Variants in ANKS1B observed in about 807,000 individuals in gnomAD.
ANKS1B encodes the protein ankyrin repeat and sterile alpha motif domain containing 1B.
Under a neutral mutation model 148.3 loss-of-function variants are expected in ANKS1B, and 36 were observed. The ratio of observed to expected loss-of-function variants is 0.24; its 90% CI spans 0.19 to 0.32. The LOEUF (loss-of-function observed/expected upper bound fraction) is 0.32, where lower values mean the gene tolerates loss of function less well. Ranked by LOEUF, ANKS1B falls within the 10% of genes least tolerant of loss-of-function variation. The pLI is 1.00. For missense variants in ANKS1B, 1,157 were observed against 1,542.6 expected, an observed-to-expected ratio of 0.75 and a Z score of 4.19; for synonymous variants, 542 against 560.8, an observed-to-expected ratio of 0.97 and a Z score of 0.47.
At chr12:98,794,460 C>T (rs1303333927) in intron 22 of ANKS1B, 3 of 265,118 alleles carry the variant, frequency 1.1e-5, no homozygotes, top group Non-Finnish European at 2.2e-5. Flanking sequence ...GGCGTTTGGT[C>T]GATGGGGACC....
At chr12:99,452,522 T>C (rs2095761230) in intron 10 of ANKS1B, among the ~76,000 whole-genome samples, 2 of 152,118 alleles carry the variant, frequency 1.3e-5, no homozygotes, top group African/African-American at 4.8e-5. Flanking sequence ...AATAGATAAA[T>C]AAATAAGACC....
At chr12:99,340,292 T>C (rs1318841851) in intron 12 of ANKS1B, among the ~76,000 whole-genome samples, 1 of 152,112 alleles carries the variant, frequency 6.6e-6, no homozygotes, top group African/African-American at 2.4e-5. Flanking sequence ...GCTGATCAGC[T>C]GTGATAAAGC....
At chr12:99,944,497 T>C (rs1291584771) in intron 1 of ANKS1B, among the ~76,000 whole-genome samples, 1 of 152,172 alleles carries the variant, frequency 6.6e-6, no homozygotes, top group Non-Finnish European at 1.5e-5. Flanking sequence ...AATGTGATGT[T>C]GTTCTTACTG....
intron 1 of ANKS1B, among the ~76,000 whole-genome samples, chr12:99,825,835 A>G (rs2083112978): frequency 6.6e-6 from 1 of 152,194 alleles, no homozygotes; most frequent in Non-Finnish European, 1.5e-5. Context: ...TTGTGGGAAG[A>G]ATATAAAGTC....
intron 8 of ANKS1B, among the ~76,000 whole-genome samples, chr12:99,699,510 T>A (rs950264465): frequency 6.6e-6 from 1 of 152,126 alleles, no homozygotes; most frequent in Non-Finnish European, 1.5e-5. Context: ...TAATAATGCA[T>A]TATGCACAGT....
At chr12:99,265,402 C>T (rs1045570763) in intron 12 of ANKS1B, among the ~76,000 whole-genome samples, 17 of 152,144 alleles carry the variant, frequency 1.1e-4, no homozygotes, top group African/African-American at 4.1e-4. Context: ...AAACTCTCCA[C>T]TTGATTCTTA....
intron 12 of ANKS1B, among the ~76,000 whole-genome samples, chr12:99,277,664 C>T (rs2077854763): frequency 6.6e-6 from 1 of 152,094 alleles, no homozygotes; most frequent in Non-Finnish European, 1.5e-5. Context: ...GTTTGGGAAG[C>T]AAAACTGAAC....
chr12:98,828,607 A>G (rs888744725), intron 19 of ANKS1B, among the ~76,000 whole-genome samples: 3 of 152,256 alleles, frequency 2.0e-5, no homozygotes, highest in African/African-American at 7.2e-5. Flanking sequence ...CAGGCTAGAC[A>G]TGAACATCCC....
intron 14 of ANKS1B, among the ~76,000 whole-genome samples, chr12:99,207,364 T>C (rs1566631931): frequency 6.1e-5 from 3 of 48,860 alleles, no homozygotes; most frequent in African/African-American, 3.1e-4. Context: ...CTTAAAGTCA[T>C]GTTAAATTAA....
intron 12 of ANKS1B, among the ~76,000 whole-genome samples, chr12:99,314,377 A>G (rs140113705): frequency 2.4e-3 from 364 of 152,356 alleles, no homozygotes; most frequent in Non-Finnish European, 3.9e-3. Flanking sequence ...CATTCCCATC[A>G]AACTAACATC....
chr12:99,657,060 C>G (rs2098452970), intron 8 of ANKS1B, among the ~76,000 whole-genome samples: 1 of 147,926 alleles, frequency 6.8e-6, no homozygotes, highest in Admixed American at 6.9e-5. Context: ...CAGTTGCTGT[C>G]TATAAAATAC....
At position 99,191,942 on chromosome 12, in the gene ANKS1B, A is replaced by G. The variant is rs568455762; in HGVS notation, c.2420-37547T>C. Among the ~76,000 whole-genome samples the G allele has an allele frequency of 5.9e-5, 9 of 152,038 alleles. No individual in the cohort carries two copies. In the South Asian group the frequency reaches 1.9e-3, roughly 32 times the overall value. On this transcript the variant is annotated intron_variant, in intron 14 of 26. Transcript: ENST00000683438. Reference sequence around the variant, plus strand: ...AGGTCAGGAGTTTGAGACCAGCCTTACCAACATGGTGAAACCCCATCTCTA... The same window carrying G: ...AGGTCAGGAGTTTGAGACCAGCCTTGCCAACATGGTGAAACCCCATCTCTA...
intron 1 of ANKS1B, among the ~76,000 whole-genome samples, chr12:99,921,058 T>G (rs942162742): frequency 6.6e-6 from 1 of 152,186 alleles, no homozygotes; most frequent in African/African-American, 2.4e-5. Context: ...GCTTGATAAG[T>G]CTTTCTATCA....
At chr12:98,841,433 T>C (rs1043610926) in intron 17 of ANKS1B, among the ~76,000 whole-genome samples, 1 of 152,106 alleles carries the variant, frequency 6.6e-6, no homozygotes, top group Admixed American at 6.6e-5. Flanking sequence ...GCTACTTTAA[T>C]GGCATATAAC....
intron 8 of ANKS1B, among the ~76,000 whole-genome samples, chr12:99,739,341 T>TC (rs138259656): frequency 8.3e-6 from 1 of 121,048 alleles, no homozygotes; most frequent in East Asian, 2.4e-4. Context: ...AGGGTTTTTT[T>TC]TGGGGGGGGC....
At chr12:99,227,913 A>G (rs1218350520) in intron 14 of ANKS1B, among the ~76,000 whole-genome samples, 1 of 151,706 alleles carries the variant, frequency 6.6e-6, no homozygotes, top group Non-Finnish European at 1.5e-5. Context: ...TTGTTATATT[A>G]ATATATTTAA....
chr12:99,586,171 G>A (rs922268474), intron 9 of ANKS1B, among the ~76,000 whole-genome samples: 1 of 152,102 alleles, frequency 6.6e-6, no homozygotes. Context: ...AAAACTGAAT[G>A]CTTTTATCAG....
intron 1 of ANKS1B, among the ~76,000 whole-genome samples, chr12:99,889,136 CA>C (rs1162915100): frequency 6.6e-6 from 1 of 152,178 alleles, no homozygotes; most frequent in African/African-American, 2.4e-5. Flanking sequence ...CCATCAGCCA[CA>C]TAATCATATT....
intron 16 of ANKS1B, among the ~76,000 whole-genome samples, chr12:99,059,804 T>TATATATATATATATATATATGA (rs1166735066): frequency 2.0e-5 from 3 of 146,716 alleles, no homozygotes; most frequent in African/African-American, 7.7e-5. Flanking sequence ...TATATATATA[T>TATATATATATATATATATATGA]ATGATAGGAC....
Sources: allele counts gnomAD v4.1 joint callset (sites outside exome capture counted in the v4.1 genomes callset), GRCh38; gene constraint gnomAD v4.1.1; transcripts MANE v1.5; gene names NCBI Gene and HGNC (gene_info 2026-07-23, HGNC 2026-07-21).